The following PPIG variants were observed in gnomAD, a reference collection of about 807,000 sequenced individuals.
PPIG encodes peptidyl-prolyl cis-trans isomerase G.
PPIG carries 26 observed loss-of-function variants against 87.9 expected under a neutral mutation model. The observed-to-expected ratio is 0.30, with a 90% CI of 0.22 to 0.41. The LOEUF (loss-of-function observed/expected upper bound fraction) is 0.41. Among genes scored for constraint, PPIG ranks in the 10% least tolerant of loss-of-function variants. The pLI, the probability that PPIG is intolerant of heterozygous loss-of-function variation, is 1.00. For synonymous variants in PPIG, 308 were observed against 276.5 expected (o/e 1.11, Z -1.13); for missense variants, 722 against 879.4 (o/e 0.82, Z 2.26).
chr2:169,633,015 A>G, intron 11 of PPIG, 145 bp from the exon 12 acceptor site: 1 of 645,414 alleles, frequency 1.5e-6, no homozygotes, highest in South Asian at 1.9e-5. Flanking sequence ...TGACCTCATG[A>G]TCCGCCCACC....
intron 9 of PPIG, among the ~76,000 whole-genome samples, chr2:169,616,119 T>C (rs1685602487): frequency 6.6e-6 from 1 of 152,182 alleles, no homozygotes. Flanking sequence ...TGTTCCTGTG[T>C]TAGTTTGCTG....
In PPIG at chr2:169,595,661, G is replaced by C. The variant is rs181839157; in HGVS notation, c.-69-7981G>C. Among the ~76,000 whole-genome samples the C allele has an allele frequency of 2.0e-4, 30 of 152,240 alleles. No individual in the cohort carries two copies. In the East Asian group the frequency reaches 5.6e-3, roughly 28 times the overall value. Reference sequence around the variant, plus strand: ...CCACAAATAAGTGAGAACATGTGAAGTTTGTCCTTCTGTGCCTGGCTTATT... The same window carrying C: ...CCACAAATAAGTGAGAACATGTGAACTTTGTCCTTCTGTGCCTGGCTTATT... On this transcript the variant is annotated intron_variant, in intron 1 of 13. Coordinates refer to ENST00000260970, the MANE Select transcript of PPIG (RefSeq NM_004792.3).
chr2:169,610,755 C>G (rs1685462836), intron 7 of PPIG, among the ~76,000 whole-genome samples: 1 of 152,172 alleles, frequency 6.6e-6, no homozygotes, highest in Non-Finnish European at 1.5e-5. Flanking sequence ...TACTGTTTCA[C>G]TCTTCACTTA....
At chr2:169,630,401 C>T (rs1048062358) in intron 9 of PPIG, among the ~76,000 whole-genome samples, 1 of 152,108 alleles carries the variant, frequency 6.6e-6, no homozygotes, top group South Asian at 2.1e-4. Flanking sequence ...TATTTCCCTG[C>T]ACTAGTTCTG....
intron 1 of PPIG, among the ~76,000 whole-genome samples, chr2:169,590,350 G>A (rs1348140918): frequency 6.6e-6 from 1 of 151,858 alleles, no homozygotes; most frequent in African/African-American, 2.4e-5. Flanking sequence ...TTAAACCTTA[G>A]AAAGTCAGGG....
chr2:169,602,222 C>CG (rs1553544788), intron 1 of PPIG, among the ~76,000 whole-genome samples: 1 of 150,448 alleles, frequency 6.6e-6, no homozygotes, highest in Non-Finnish European at 1.5e-5. Context: ...TTCCAAAATT[C>CG]AAAAAAAAAA....
intron 7 of PPIG, among the ~76,000 whole-genome samples, chr2:169,610,586 C>A (rs1416128761): frequency 6.6e-6 from 1 of 151,926 alleles, no homozygotes; most frequent in Non-Finnish European, 1.5e-5. Flanking sequence ...CACTCCATTC[C>A]CATTTCCTTT....
intron 6 of PPIG, 41 bp from the exon 7 acceptor site, chr2:169,608,630 G>T: frequency 7.2e-7 from 1 of 1,397,128 alleles, no homozygotes; most frequent in East Asian, 2.3e-5. Flanking sequence ...TTTTTTGGAG[G>T]TTATATCTAT....
intron 9 of PPIG, among the ~76,000 whole-genome samples, chr2:169,624,697 C>T (rs1685838005): frequency 1.3e-5 from 2 of 152,170 alleles, no homozygotes; most frequent in South Asian, 4.1e-4. Flanking sequence ...ACGCGATTCT[C>T]CTGCCTCAGC....
rs372832694 is a variant in PPIG at position 169,637,276 on chromosome 2, G to C, written c.2018G>C (p.Ser673Thr). 3.1e-6 allele frequency: 5 copies of C among 1,609,164 alleles called. No homozygotes were observed. The African/African-American group carries it at 5.4e-5, about 17-fold the overall frequency. Residue 673 changes from serine to threonine, a missense_variant, in exon 14 of 14, where the codon AGC (serine) becomes ACC (threonine). Physicochemically the swap from Ser to Thr is moderately conservative, Grantham distance 58. Around this residue, in one of 4 missense-constraint regions of PPIG, gnomAD observed 476 missense variants for 483.1 expected, o/e 0.99. Coordinates refer to ENST00000260970, the MANE Select transcript of PPIG (RefSeq NM_004792.3). Reference protein sequence around the residue: ...RMYSKSRDHNSSNNSREKKAD... With the variant: ...RMYSKSRDHNTSNNSREKKAD... Reference sequence around the variant, plus strand: ...TACTCTAAAAGTCGTGATCATAATAGCTCAAATAACAGCAGGGAAAAAAAG... The same window carrying C: ...TACTCTAAAAGTCGTGATCATAATACCTCAAATAACAGCAGGGAAAAAAAG...
chr2:169,606,369 G>A (rs1230134772), intron 5 of PPIG, among the ~76,000 whole-genome samples: 8 of 151,950 alleles, frequency 5.3e-5, no homozygotes, highest in African/African-American at 7.2e-5. Context: ...CGAGGTGGGC[G>A]GATCACGAGG....
At chr2:169,603,854 A>G (rs981136803) in intron 2 of PPIG, among the ~76,000 whole-genome samples, 160 bp downstream of exon 2, 1 of 152,208 alleles carries the variant, frequency 6.6e-6, no homozygotes, top group African/African-American at 2.4e-5. Flanking sequence ...AATGCAATCT[A>G]ATCTCTAAAA....
chr2:169,637,556 C>G lies in PPIG; in HGVS notation c.*33C>G. The G allele has an allele frequency of 6.7e-7, 1 of 1,488,620 alleles. No individual in the cohort carries two copies. Among genetic ancestry groups the G allele is most frequent in the Non-Finnish European group, 8.9e-7 (1 of 1,125,070 alleles). The allele number at this position is 1,488,620 out of a possible 1,614,324, so 92.2% of individuals were successfully genotyped here. On this transcript the variant is annotated 3_prime_UTR_variant, in exon 14 of 14. Coordinates refer to ENST00000260970, the MANE Select transcript of PPIG (RefSeq NM_004792.3). The stretch of plus-strand genomic sequence containing the variant: ...ATATAAACTTACTTCCATTCTGTTT[C>G]GGATTTTAAGTTTGAGAGACTTGCT...
chr2:169,639,790 T>G lies in PPIG; in HGVS notation c.*2267T>G, dbSNP rs1466763661. ...GCATCTGAATAGCACACGGCTCAAA[T>G]GGTCCTTTCCTTTTGTTACATTTAG... On this transcript the variant is annotated 3_prime_UTR_variant, in exon 14 of 14. Coordinates refer to ENST00000260970, the MANE Select transcript of PPIG (RefSeq NM_004792.3). 1 of 152,148 alleles carries G rather than the reference T, an allele frequency of 6.6e-6. No homozygotes were observed. Among genetic ancestry groups the G allele is most frequent in the Non-Finnish European group, 1.5e-5 (1 of 67,984 alleles). The allele number at this position is 152,148 out of a possible 1,614,324, so 9.4% of individuals were successfully genotyped here. A position where few individuals can be genotyped will look rare whatever the true frequency, so the allele number is the denominator to read the frequency against.
chr2:169,632,338 CA>C (rs1686079096), intron 11 of PPIG, among the ~76,000 whole-genome samples: 1 of 152,144 alleles, frequency 6.6e-6, no homozygotes, highest in Non-Finnish European at 1.5e-5. Flanking sequence ...ACTTGGTTTA[CA>C]ACATTGTAAT....
intron 7 of PPIG, among the ~76,000 whole-genome samples, chr2:169,610,642 A>G (rs943530387): frequency 6.6e-6 from 1 of 151,628 alleles, no homozygotes; most frequent in Admixed American, 6.6e-5. Context: ...AACCAACCTA[A>G]TTTCCAGTTT....
intron 6 of PPIG, among the ~76,000 whole-genome samples, chr2:169,608,324 A>C (rs1294481323): frequency 6.6e-6 from 1 of 152,052 alleles, no homozygotes; most frequent in Non-Finnish European, 1.5e-5. Flanking sequence ...TGCCGTCTCT[A>C]CTAAAAATAC....
intron 1 of PPIG, among the ~76,000 whole-genome samples, chr2:169,600,488 A>G (rs1279282522): frequency 1.3e-5 from 2 of 152,148 alleles, no homozygotes; most frequent in Non-Finnish European, 2.9e-5. Flanking sequence ...AATGTTTGCA[A>G]TATACTTACC....
intron 11 of PPIG, among the ~76,000 whole-genome samples, chr2:169,632,528 T>C (rs1365438232): frequency 6.7e-6 from 1 of 150,010 alleles, no homozygotes; most frequent in Non-Finnish European, 1.5e-5. Context: ...GATCACGAGG[T>C]CAGGAGATGG....
Sources: allele counts gnomAD v4.1 joint callset (sites outside exome capture counted in the v4.1 genomes callset), GRCh38; gene constraint gnomAD v4.1.1; regional missense constraint gnomAD v4.1.1; transcripts MANE v1.5; gene names NCBI Gene and HGNC (gene_info 2026-07-23, HGNC 2026-07-21).